The following ST18 variants were observed in gnomAD, a reference collection of about 807,000 sequenced individuals.
ST18 encodes the protein suppression of tumorigenicity 18 protein.
A neutral mutation model predicts 110.0 loss-of-function variants in ST18; 50 were observed. The observed-to-expected ratio is 0.45, with a 90% CI of 0.36 to 0.58. ST18 has a LOEUF of 0.58. Among genes scored for constraint, ST18 ranks in the 20% least tolerant of loss-of-function variants. The probability of loss-of-function intolerance (pLI) is 0.00; values close to 1 mark genes in which losing one functional copy is unlikely to be tolerated. For synonymous variants in ST18, 461 were observed against 452.4 expected (o/e 1.02, Z -0.24); for missense variants, 1,306 against 1,280.1 (o/e 1.02, Z -0.31).
intron 8 of ST18, among the ~76,000 whole-genome samples, chr8:52,200,395 GCAGCTGTGCGGGGAA>G (rs2077556855): frequency 6.6e-6 from 1 of 152,206 alleles, no homozygotes; most frequent in South Asian, 2.1e-4. Context: ...TGTGAGACTC[GCAGCTGTGCGGGGAA>G]CAACATTCCA....
intron 2 of ST18, among the ~76,000 whole-genome samples, chr8:52,257,149 T>G (rs1159251603): frequency 6.6e-6 from 1 of 152,258 alleles, no homozygotes; most frequent in Non-Finnish European, 1.5e-5. Flanking sequence ...TATTTCTTTG[T>G]ATTACTGATT....
chr8:52,267,442 G>C (rs976210442), intron 2 of ST18, among the ~76,000 whole-genome samples: 15 of 148,842 alleles, frequency 1.0e-4, no homozygotes, highest in Non-Finnish European at 1.8e-4. Flanking sequence ...GTAGCAATGG[G>C]GAGCAAGACT....
In ST18 at chr8:52,136,611, G is replaced by A; in HGVS notation, c.2279C>T (p.Ala760Val). The A allele has an allele frequency of 6.2e-7, 1 of 1,611,426 alleles. No individual in the cohort carries two copies. Among genetic ancestry groups the A allele is most frequent in the Non-Finnish European group, 8.5e-7 (1 of 1,179,030 alleles). The change falls in exon 19 of 26, where the codon GCT (alanine) becomes GTT (valine). Residue 760 changes from alanine to valine, a missense_variant. Transcript: ENST00000689386. ...TTACTTAAGCTCCTGAGAGTTGGCA[G>A]CCATGAGGGATTTTAGAGTCTTATC... The part of the protein sequence containing the change: ...LADKTLKSLM[A>V]ANSQELKCPT...
chr8:52,262,550 C>T (rs1254434826), intron 2 of ST18, among the ~76,000 whole-genome samples: 1 of 152,242 alleles, frequency 6.6e-6, no homozygotes, highest in African/African-American at 2.4e-5. Context: ...AAGCACACAA[C>T]TTTCCTCACA....
At chr8:52,118,312 G>T (rs751681671) in intron 24 of ST18, 26 bp downstream of exon 24, 1 of 1,437,036 alleles carries the variant, frequency 7.0e-7, no homozygotes, top group Non-Finnish European at 9.7e-7. Context: ...TTACATTAAG[G>T]ATCATGAATT....
chr8:52,334,297 C>T (rs1811029375), intron 2 of ST18, among the ~76,000 whole-genome samples: 1 of 152,078 alleles, frequency 6.6e-6, no homozygotes, highest in Non-Finnish European at 1.5e-5. Flanking sequence ...ATTCTGTTTC[C>T]TAATTCTCCC....
intron 2 of ST18, among the ~76,000 whole-genome samples, chr8:52,274,297 G>A (rs892038627): frequency 1.3e-5 from 2 of 151,958 alleles, no homozygotes; most frequent in African/African-American, 2.4e-5. Context: ...ATCAAAAAAG[G>A]TTAACATAAA....
intron 2 of ST18, among the ~76,000 whole-genome samples, chr8:52,317,328 G>A (rs911613656): frequency 6.6e-6 from 1 of 152,168 alleles, no homozygotes; most frequent in African/African-American, 2.4e-5. Context: ...AAAGGGGAAG[G>A]CCGTGTGAAT....
chr8:52,334,707 G>T (rs1811231413), intron 2 of ST18, among the ~76,000 whole-genome samples: 1 of 149,762 alleles, frequency 6.7e-6, no homozygotes. Context: ...AGGGAACTGT[G>T]AAAAAAAAAA....
In ST18 at chr8:52,159,031, G is replaced by A. The variant is rs1007001519; in HGVS notation, c.1673C>T (p.Ala558Val). ...ACATTGACCGTAGCTATAAGAGCTG[G>A]CACGGCCAGGGCTCTGGGTGTGGGC... ...AGAHTQSPGR[A>V]SSYSYGQCSE... Residue 558 changes from alanine to valine, a missense_variant, in exon 15 of 26, where the codon GCC becomes GTC. Ala to Val is a moderately conservative substitution (Grantham distance 64). Transcript: ENST00000689386. 1.9e-6 allele frequency: 3 copies of A among 1,614,148 alleles called. No homozygotes were observed. The highest frequency in any genetic ancestry group is 2.5e-6 in the Non-Finnish European group (3 of 1,180,012).
chr8:52,205,268 G>A (rs554807286), intron 8 of ST18, among the ~76,000 whole-genome samples: 8 of 151,590 alleles, frequency 5.3e-5, no homozygotes, highest in East Asian at 1.9e-4. Context: ...AGGCTACTAT[G>A]AAGGAAGAGG....
In ST18 at chr8:52,118,350, T is replaced by C. The variant is rs765443810; in HGVS notation, c.2847A>G (p.Lys949=). ...TTCTTTTTTTTACCTGGGTCTGAAG[T>C]TTCATCATATCTGCTTCAATTTTAA... ...SNLKIEADMM[K]LQTQITSMES... Residue 949 remains lysine (K), a synonymous_variant, in exon 24 of 26, where the codon AAA becomes AAG. Coordinates refer to ENST00000689386, the MANE Select transcript of ST18 (RefSeq NM_001352837.2). 1.2e-6 allele frequency: 2 copies of C among 1,604,258 alleles called. No individual in the cohort carries two copies. Among genetic ancestry groups the C allele is most frequent in the South Asian group, 2.3e-5 (2 of 88,636 alleles).
intron 9 of ST18, among the ~76,000 whole-genome samples, chr8:52,173,729 G>A (rs1027362275): frequency 6.6e-6 from 1 of 152,136 alleles, no homozygotes; most frequent in Non-Finnish European, 1.5e-5. Context: ...AAAGCAGGGT[G>A]GGGGGATGGG....
intron 2 of ST18, among the ~76,000 whole-genome samples, chr8:52,230,927 G>C (rs2136931060): frequency 6.6e-6 from 1 of 152,240 alleles, no homozygotes; most frequent in East Asian, 1.9e-4. Context: ...TGCAACTTCT[G>C]TCACTGGTAA....
At chr8:52,387,928 T>C (rs879702877) in intron 2 of ST18, among the ~76,000 whole-genome samples, 6 of 152,170 alleles carry the variant, frequency 3.9e-5, no homozygotes, top group African/African-American at 7.2e-5. Context: ...GTTTGTCCAC[T>C]GGACAGGTCA....
intron 2 of ST18, among the ~76,000 whole-genome samples, chr8:52,388,927 G>A (rs1036108522): frequency 1.5e-4 from 22 of 148,400 alleles, no homozygotes; most frequent in Non-Finnish European, 2.1e-4. Context: ...TAACTAACCT[G>A]CACATTGTGC....
chr8:52,208,260 C>A (rs1042951513), intron 8 of ST18, among the ~76,000 whole-genome samples: 23 of 152,132 alleles, frequency 1.5e-4, no homozygotes, highest in African/African-American at 5.6e-4. Flanking sequence ...AAAAGAAGAA[C>A]CAAATAAAGT....
intron 2 of ST18, among the ~76,000 whole-genome samples, chr8:52,271,923 A>T (rs1332702573): frequency 2.6e-5 from 4 of 152,266 alleles, no homozygotes; most frequent in African/African-American, 9.6e-5. Context: ...AATCGAAGAG[A>T]GAGCAAGAGG....
intron 2 of ST18, among the ~76,000 whole-genome samples, chr8:52,381,829 C>G (rs1371098287): frequency 6.6e-6 from 1 of 152,120 alleles, no homozygotes; most frequent in African/African-American, 2.4e-5. Flanking sequence ...TCCGTCCAAA[C>G]TGGAAACACT....
Sources: allele counts gnomAD v4.1 joint callset (sites outside exome capture counted in the v4.1 genomes callset), GRCh38; gene constraint gnomAD v4.1.1; transcripts MANE v1.5; gene names NCBI Gene and HGNC (gene_info 2026-07-23, HGNC 2026-07-21).